The following SLC27A4 variants were observed in gnomAD, a reference collection of about 807,000 sequenced individuals.
SLC27A4 encodes the protein long-chain fatty acid transport protein 4.
SLC27A4 carries 33 observed loss-of-function variants against 64.4 expected under a neutral mutation model. That is an observed-to-expected ratio of 0.51 (90% CI 0.39 to 0.68). The LOEUF (loss-of-function observed/expected upper bound fraction) is 0.68. Ranked by LOEUF, SLC27A4 falls within the 30% of genes least tolerant of loss-of-function variation. SLC27A4 has a pLI of 0.00. For synonymous variants in SLC27A4, 377 were observed against 370.0 expected, an observed-to-expected ratio of 1.02 and a Z score of -0.22; for missense variants, 824 against 883.5, an observed-to-expected ratio of 0.93 and a Z score of 0.85.
intron 6 of SLC27A4, among the ~76,000 whole-genome samples, chr9:128,351,610 A>G (rs9695920): frequency 0.34 from 50,851 of 148,262 alleles, 12,262 homozygotes; most frequent in African/African-American, 0.7. Flanking sequence ...CCAGCTACCC[A>G]GGAGGCTGAG....
chr9:128,348,582 C>T lies in SLC27A4; in HGVS notation c.594C>T (p.Leu198=), dbSNP rs910754754. 4 of 1,613,464 alleles carry T rather than the reference C, an allele frequency of 2.5e-6. No homozygotes were observed. In the African/African-American group the frequency reaches 5.3e-5, roughly 22 times the overall value. ...CEVHASLDPS[L]SLFCSGSWEP... ...TCCATGCCAGCCTGGACCCCTCGCT[C>T]AGCCTCTTCTGCTCTGGCTCCTGGG... Residue 198 remains leucine, a synonymous_variant, in exon 4 of 13, where the codon CTC becomes CTT. Coordinates refer to ENST00000300456, the MANE Select transcript of SLC27A4 (RefSeq NM_005094.4).
Position 128,345,367 on chromosome 9 carries a change from C to T in SLC27A4, c.374C>T (p.Ser125Leu), listed in dbSNP as rs776673572. The change falls in exon 3 of 13, where the codon TCG (serine) becomes TTG (leucine). Residue 125 changes from serine (S) to leucine (L), a missense_variant. Transcript: ENST00000300456. This position sits in a 1 kb window ranked among gnomAD's most constrained non-coding sequence, Gnocchi z 4.1. ...ANFLQARGLA[S>L]GDVAAIFMEN... Reference sequence around the variant, plus strand: ...TTCCTGCAGGCCCGGGGCCTGGCCTCGGGCGATGTGGCTGCCATCTTCATG... The same window carrying T: ...TTCCTGCAGGCCCGGGGCCTGGCCTTGGGCGATGTGGCTGCCATCTTCATG... 7.4e-6 allele frequency: 12 copies of T among 1,613,642 alleles called. No homozygotes were observed. Among genetic ancestry groups the T allele is most frequent in the Admixed American group, 3.3e-5 (2 of 59,986 alleles).
chr9:128,354,936 A>G, intron 9 of SLC27A4, 117 bp from the exon 10 acceptor site: 2 of 1,170,254 alleles, frequency 1.7e-6, no homozygotes, highest in East Asian at 2.6e-5. Flanking sequence ...CTGGGCAACA[A>G]GAGCAAAACT....
At chr9:128,357,128 G>C (rs952121494) in intron 12 of SLC27A4, among the ~76,000 whole-genome samples, 2 of 151,362 alleles carry the variant, frequency 1.3e-5, no homozygotes, top group Non-Finnish European at 1.5e-5. Flanking sequence ...CAGGCATGGT[G>C]GTGGGCGCCT....
intron 5 of SLC27A4, 40 bp from the exon 6 acceptor site, chr9:128,350,444 T>C: frequency 1.2e-6 from 2 of 1,612,384 alleles, no homozygotes; most frequent in Non-Finnish European, 1.7e-6. Context: ...CCTTCTGCCT[T>C]TCTAGGGCCC....
intron 3 of SLC27A4, among the ~76,000 whole-genome samples, chr9:128,347,266 T>C (rs1832671035): frequency 6.6e-6 from 1 of 152,150 alleles, no homozygotes. Context: ...ATCTTGGTTT[T>C]ATGGATGATG....
At chr9:128,355,313 T>C (rs1832800976) in intron 10 of SLC27A4, 85 bp from the exon 11 acceptor site, 4 of 1,603,548 alleles carry the variant, frequency 2.5e-6, no homozygotes, top group Non-Finnish European at 2.6e-6. Flanking sequence ...AAACAAATCC[T>C]TGGGCTCCAG....
rs532636378 is a variant in SLC27A4 at position 128,352,710 on chromosome 9, C to T, written c.950C>T (p.Ser317Phe). Residue 317 changes from serine (S) to phenylalanine (F), a missense_variant, in exon 7 of 13, where the codon TCC becomes TTC. Physicochemically the swap from Ser to Phe is radical, Grantham distance 155 (BLOSUM62 -2). Transcript: ENST00000300456. ...TVVIRKKFSA[S>F]RFWDDCIKYN... ...GTGATTCGGAAGAAGTTCTCAGCCT[C>T]CCGGTTCTGGGACGATTGTATCAAG... 2.5e-6 allele frequency: 4 copies of T among 1,614,166 alleles called. No homozygotes were observed. The highest frequency in any genetic ancestry group is 3.3e-5 in the Admixed American group (2 of 60,022).
chr9:128,360,893 A>G lies in SLC27A4; in HGVS notation c.*402A>G, dbSNP rs909465719. 4.0e-6 allele frequency: 1 copy of G among 249,242 alleles called. No homozygotes were observed. Among genetic ancestry groups the G allele is most frequent in the Non-Finnish European group, 8.0e-6 (1 of 125,344 alleles). 15.4% of individuals were successfully genotyped at this position (249,242 alleles called of 1,614,324 possible). On this transcript the variant is annotated 3_prime_UTR_variant, in exon 13 of 13. Transcript: ENST00000300456. ...CAACAGAGTGGGCAGGGACAGTGGT[A>G]GCATCCATCTGGTGGCCAAAGAGAA...
Position 128,350,279 on chromosome 9 carries a change from C to T in SLC27A4, c.716-33C>T, listed in dbSNP as rs770882963. On this transcript the variant is annotated intron_variant, in intron 4 of 12. Coordinates refer to ENST00000300456, the MANE Select transcript of SLC27A4 (RefSeq NM_005094.4). ...TGACCCTTTGCCCAGCCCTGAGCTGCCCCCGACAGCCACTCGCGTCTGTTT... is the reference window on the plus strand; with the variant it reads ...TGACCCTTTGCCCAGCCCTGAGCTGTCCCCGACAGCCACTCGCGTCTGTTT... The T allele has an allele frequency of 6.9e-6, 11 of 1,600,392 alleles. No homozygotes were observed. In the East Asian group the frequency reaches 2.2e-4, roughly 32 times the overall value.
chr9:128,345,057 T>G lies in SLC27A4; in HGVS notation c.162-98T>G. ...GAAGTGTTGTAGGGGGTCTGGCTCA[T>G]GAAGCATAGGCTGGCGAGGCAGCAG... On this transcript the variant is annotated intron_variant, in intron 2 of 12. Transcript: ENST00000300456. The surrounding 1 kb of genome is among the most constrained non-coding windows in gnomAD (Gnocchi z 4.1). The G allele has an allele frequency of 1.3e-6, 2 of 1,491,272 alleles. No individual in the cohort carries two copies. The highest frequency in any genetic ancestry group is 9.2e-7 in the Non-Finnish European group (1 of 1,084,572). 92.4% of individuals were successfully genotyped at this position (1,491,272 alleles called of 1,614,324 possible). A position where few individuals can be genotyped will look rare whatever the true frequency, so the allele number is the denominator to read the frequency against.
chr9:128,360,581 C>A lies in SLC27A4; in HGVS notation c.*90C>A. On this transcript the variant is annotated 3_prime_UTR_variant, in exon 13 of 13. Coordinates refer to ENST00000300456, the MANE Select transcript of SLC27A4 (RefSeq NM_005094.4). ...GGTCCTGGACAAGGCCAGACCAAAG[C>A]AAGCAGGGCCTGGCACCTCCATCCT... The A allele has an allele frequency of 1.4e-6, 2 of 1,413,372 alleles. No homozygotes were observed. Among genetic ancestry groups the A allele is most frequent in the Non-Finnish European group, 9.9e-7 (1 of 1,013,002 alleles). 87.6% of individuals were successfully genotyped at this position (1,413,372 alleles called of 1,614,324 possible). A position where few individuals can be genotyped will look rare whatever the true frequency, so the allele number is the denominator to read the frequency against.
intron 12 of SLC27A4, among the ~76,000 whole-genome samples, chr9:128,356,358 C>T (rs779634954): frequency 7.2e-5 from 11 of 152,088 alleles, no homozygotes; most frequent in Non-Finnish European, 1.3e-4. Context: ...GCTGGAGGAA[C>T]GAAAGGGGGC....
chr9:128,341,970 G>A (rs542907593), intron 1 of SLC27A4, among the ~76,000 whole-genome samples: 50 of 152,216 alleles, frequency 3.3e-4, no homozygotes, highest in African/African-American at 1.2e-3. Context: ...AACTCCTGAC[G>A]TCATGATCCG....
chr9:128,352,117 C>T (rs1832745866), intron 6 of SLC27A4, among the ~76,000 whole-genome samples: 1 of 151,804 alleles, frequency 6.6e-6, no homozygotes, highest in South Asian at 2.1e-4. Flanking sequence ...ATGGCATGAA[C>T]CCGGAAGGCG....
rs894325323 is a variant in SLC27A4, at chr9:128,353,317, G to A, written c.1197+83G>A. ...GGATGCAGAGGGGAGGGCAGAGTTC[G>A]AGCGTGAGAGTGTGGGTGCTGGAGT... On this transcript the variant is annotated intron_variant, in intron 8 of 12. Coordinates refer to ENST00000300456, the MANE Select transcript of SLC27A4 (RefSeq NM_005094.4). This position sits in a 1 kb window ranked among gnomAD's most constrained non-coding sequence, Gnocchi z 4.9. 8.7e-6 allele frequency: 14 copies of A among 1,609,966 alleles called. No individual in the cohort carries two copies. The highest frequency in any genetic ancestry group is 5.0e-5 in the Admixed American group (3 of 59,974).
In SLC27A4 at chr9:128,353,146, A is replaced by G. The variant is rs775231744; in HGVS notation, c.1109A>G (p.Asn370Ser). The G allele has an allele frequency of 6.8e-6, 11 of 1,614,096 alleles. No homozygotes were observed. The Admixed American group carries it at 1.8e-4, about 27-fold the overall frequency. ...GGCCTCCGGCAGTCCATCTGGACCAACTTTTCCAGCCGCTTCCACATACCC... is the reference window on the plus strand; with the variant it reads ...GGCCTCCGGCAGTCCATCTGGACCAGCTTTTCCAGCCGCTTCCACATACCC... ...GNGLRQSIWT[N>S]FSSRFHIPQV... The change falls in exon 8 of 13, where the codon AAC becomes AGC. Residue 370 changes from asparagine (N) to serine (S), a missense_variant. Physicochemically the swap from Asn to Ser is conservative, Grantham distance 46. Coordinates refer to ENST00000300456, the MANE Select transcript of SLC27A4 (RefSeq NM_005094.4). The surrounding 1 kb of genome is among the most constrained non-coding windows in gnomAD (Gnocchi z 4.9).
At position 128,355,391 on chromosome 9, in the gene SLC27A4, T is replaced by C; in HGVS notation, c.1463-7T>C. The C allele has an allele frequency of 6.2e-7, 1 of 1,613,284 alleles. No homozygotes were observed. Among genetic ancestry groups the C allele is most frequent in the South Asian group, 1.1e-5 (1 of 91,066 alleles). On this transcript the variant is annotated splice_region_variant and splice_polypyrimidine_tract_variant and intron_variant, in intron 10 of 12. Coordinates refer to ENST00000300456, the MANE Select transcript of SLC27A4 (RefSeq NM_005094.4). ...GCCCAGCCCTGCCTCATCCGGCCCC[T>C]CCCTAGGTGATGTGCTGGTGATGGA...
rs757885764 is a variant in SLC27A4 at position 128,345,174 on chromosome 9, A to C, written c.181A>C (p.Lys61Gln). 6.8e-6 allele frequency: 11 copies of C among 1,613,340 alleles called. No homozygotes were observed. Among genetic ancestry groups the C allele is most frequent in the Non-Finnish European group, 9.3e-6 (11 of 1,180,024 alleles). The change falls in exon 3 of 13, where the codon AAG becomes CAG. Residue 61 changes from lysine (K) to glutamine (Q), a missense_variant. Transcript: ENST00000300456. This position sits in a 1 kb window ranked among gnomAD's most constrained non-coding sequence, Gnocchi z 4.1. ...RDIFGGLVLL[K>Q]VKAKVRQCLQ... Reference sequence around the variant, plus strand: ...ACACAGTGGCGGCCTGGTCCTCCTGAAGGTGAAGGCAAAGGTGCGACAGTG... The same window carrying C: ...ACACAGTGGCGGCCTGGTCCTCCTGCAGGTGAAGGCAAAGGTGCGACAGTG...
Sources: allele counts gnomAD v4.1 joint callset (sites outside exome capture counted in the v4.1 genomes callset), GRCh38; gene constraint gnomAD v4.1.1; non-coding constraint Gnocchi (gnomAD v3.1); transcripts MANE v1.5; gene names NCBI Gene and HGNC (gene_info 2026-07-23, HGNC 2026-07-21).